The following DIP2C variants were observed in gnomAD, a reference collection of about 807,000 sequenced individuals.
DIP2C encodes DIP2 acetate--CoA ligase C (putative), also known as disco-interacting protein 2 homolog C.
DIP2C carries 33 observed loss-of-function variants against 192.4 expected under a neutral mutation model. The ratio of observed to expected loss-of-function variants is 0.17; its 90% CI spans 0.13 to 0.23. The LOEUF (loss-of-function observed/expected upper bound fraction) is 0.23, where lower values mean the gene tolerates loss of function less well. Ranked by LOEUF, DIP2C falls within the 10% of genes least tolerant of loss-of-function variation. The pLI is 1.00. For synonymous variants in DIP2C, 979 were observed against 864.1 expected, an observed-to-expected ratio of 1.13 and a Z score of -2.33; for missense variants, 1,537 against 2,110.1, an observed-to-expected ratio of 0.73 and a Z score of 5.32.
intron 36 of DIP2C, among the ~76,000 whole-genome samples, chr10:278,904 G>A (rs762225168): frequency 2.6e-5 from 4 of 152,166 alleles, no homozygotes; most frequent in Non-Finnish European, 4.4e-5. Context: ...GGGCTGGATG[G>A]AGACCAGGCT....
chr10:634,426 G>T (rs978832973), intron 1 of DIP2C, among the ~76,000 whole-genome samples: 1 of 152,236 alleles, frequency 6.6e-6, no homozygotes, highest in Non-Finnish European at 1.5e-5. Flanking sequence ...GGAGAATGAG[G>T]TGGTTTCAGG....
At chr10:522,085 T>A (rs904735195) in intron 1 of DIP2C, among the ~76,000 whole-genome samples, 2 of 151,946 alleles carry the variant, frequency 1.3e-5, no homozygotes, top group African/African-American at 4.8e-5. Context: ...CTCCTCCCAT[T>A]CACCCCTCCC....
intron 1 of DIP2C, among the ~76,000 whole-genome samples, chr10:606,682 G>A (rs1047076230): frequency 2.0e-5 from 3 of 152,360 alleles, no homozygotes; most frequent in Non-Finnish European, 2.9e-5. Flanking sequence ...ATTCTCATTA[G>A]GAAAGGGATC....
In DIP2C at chr10:334,818, C is replaced by T. The variant is rs112686119; in HGVS notation, c.3585-5217G>A. Among the ~76,000 whole-genome samples the T allele has an allele frequency of 2.3e-3, 344 of 152,296 alleles. 2 individuals carry two copies. Among genetic ancestry groups the T allele is most frequent in the South Asian group, 0.014 (66 of 4,830 alleles). On this transcript the variant is annotated intron_variant, in intron 29 of 36. Coordinates refer to ENST00000280886, the MANE Select transcript of DIP2C (RefSeq NM_014974.3). The stretch of plus-strand genomic sequence containing the variant: ...TCTATCTCAATGCCAGTACATTGTT[C>T]TGGTTATTGCAGCTTTGCAATATTT...
intron 22 of DIP2C, among the ~76,000 whole-genome samples, chr10:362,026 CCAAT>C (rs1370316397): frequency 3.3e-5 from 5 of 150,924 alleles, no homozygotes; most frequent in Admixed American, 6.6e-5. Context: ...ACAAACTGTG[CCAAT>C]CAAACACCAG....
chr10:354,152 A>T (rs1958961707), intron 24 of DIP2C, among the ~76,000 whole-genome samples: 1 of 152,228 alleles, frequency 6.6e-6, no homozygotes, highest in Non-Finnish European at 1.5e-5. Context: ...CACACCTCCA[A>T]GGAAAAGACA....
intron 4 of DIP2C, among the ~76,000 whole-genome samples, chr10:424,890 C>T (rs552608183): frequency 2.6e-5 from 4 of 152,368 alleles, no homozygotes; most frequent in Admixed American, 2.0e-4. Flanking sequence ...TAGCAGCAAA[C>T]CAAACAAACA....
At chr10:434,994 G>A (rs113864140) in intron 4 of DIP2C, among the ~76,000 whole-genome samples, 3 of 152,230 alleles carry the variant, frequency 2.0e-5, no homozygotes, top group South Asian at 2.1e-4. Flanking sequence ...ATCCTGCTTC[G>A]TGTTTCTGGA....
At chr10:303,388 A>G (rs1956150358) in intron 32 of DIP2C, among the ~76,000 whole-genome samples, 2 of 152,334 alleles carry the variant, frequency 1.3e-5, no homozygotes, top group African/African-American at 4.8e-5. Flanking sequence ...ATTAACCTAC[A>G]TTTACTGTAA....
chr10:477,185 A>T (rs1178450038), intron 2 of DIP2C, among the ~76,000 whole-genome samples: 1 of 145,848 alleles, frequency 6.9e-6, no homozygotes, highest in Non-Finnish European at 1.5e-5. Flanking sequence ...TAGCAAAGTC[A>T]GCAAAGAATA....
intron 1 of DIP2C, among the ~76,000 whole-genome samples, chr10:682,857 A>G (rs1831181460): frequency 6.6e-6 from 1 of 152,218 alleles, no homozygotes; most frequent in Non-Finnish European, 1.5e-5. Context: ...GAATTAAGAC[A>G]CAAAAACCAT....
chr10:586,886 C>G (rs1327099266), intron 1 of DIP2C, among the ~76,000 whole-genome samples: 1 of 151,758 alleles, frequency 6.6e-6, no homozygotes, highest in Non-Finnish European at 1.5e-5. Context: ...GGAGGGGCGA[C>G]CAGCATGAGT....
chr10:363,053 G>T lies in DIP2C; in HGVS notation c.2592+144C>A. 1.4e-6 allele frequency: 1 copy of T among 693,016 alleles called. No homozygotes were observed. The highest frequency in any genetic ancestry group is 2.4e-6 in the Non-Finnish European group (1 of 419,176). The allele number at this position is 693,016 out of a possible 1,614,324, so 42.9% of individuals were successfully genotyped here. A position where few individuals can be genotyped will look rare whatever the true frequency, so the allele number is the denominator to read the frequency against. ...CTGCTGAGCTAGTTTCTGGACACTTGATGTAGTTCCTGATCAAATGAAGGG... is the reference window on the plus strand; with the variant it reads ...CTGCTGAGCTAGTTTCTGGACACTTTATGTAGTTCCTGATCAAATGAAGGG... On this transcript the variant is annotated intron_variant, in intron 21 of 36. Transcript: ENST00000280886. The surrounding 1 kb of genome is among the most constrained non-coding windows in gnomAD (Gnocchi z 5.4).
intron 17 of DIP2C, among the ~76,000 whole-genome samples, chr10:380,023 GC>G (rs1962194182): frequency 1.4e-5 from 2 of 146,860 alleles, no homozygotes; most frequent in East Asian, 2.1e-4. Context: ...GATGGTTAAC[GC>G]ACAGAAGAGG....
At chr10:340,935 T>C (rs1464437582) in intron 29 of DIP2C, 1 of 555,184 alleles carries the variant, frequency 1.8e-6, no homozygotes, top group Non-Finnish European at 3.4e-6. Flanking sequence ...CTGGGAGTCT[T>C]CTGATTGTCA....
At position 564,704 on chromosome 10, in the gene DIP2C, G is replaced by A. The variant is rs571956011; in HGVS notation, c.86-78174C>T. Among the ~76,000 whole-genome samples, 19 of 152,226 alleles carry A rather than the reference G, an allele frequency of 1.2e-4. No individual in the cohort carries two copies. The East Asian group carries it at 3.3e-3, about 26-fold the overall frequency. Reference sequence around the variant, plus strand: ...GAGGACTCAATGAGCCAATATGCCCGAAGCATTCAGCATAGCGTCCAGCAG... The same window carrying A: ...GAGGACTCAATGAGCCAATATGCCCAAAGCATTCAGCATAGCGTCCAGCAG... On this transcript the variant is annotated intron_variant, in intron 1 of 36. Coordinates refer to ENST00000280886, the MANE Select transcript of DIP2C (RefSeq NM_014974.3).
At chr10:382,535 T>C (rs768270608) in intron 17 of DIP2C, 112 bp downstream of exon 17, 11 of 758,470 alleles carry the variant, frequency 1.5e-5, no homozygotes, top group South Asian at 6.5e-5. Flanking sequence ...AAAGGTTAGG[T>C]CCCGTTTTCA....
intron 1 of DIP2C, among the ~76,000 whole-genome samples, chr10:586,171 T>G (rs1193556729): frequency 6.6e-6 from 1 of 152,064 alleles, no homozygotes; most frequent in South Asian, 2.1e-4. Flanking sequence ...ACAACTTCTC[T>G]GGGAGAGAGA....
chr10:476,254 C>T (rs1382052733), intron 2 of DIP2C, among the ~76,000 whole-genome samples: 1 of 152,170 alleles, frequency 6.6e-6, no homozygotes, highest in Admixed American at 6.5e-5. Flanking sequence ...CTCCCAGGAG[C>T]ACCTGCTCAG....
Sources: allele counts gnomAD v4.1 joint callset (sites outside exome capture counted in the v4.1 genomes callset), GRCh38; gene constraint gnomAD v4.1.1; non-coding constraint Gnocchi (gnomAD v3.1); transcripts MANE v1.5; gene names NCBI Gene and HGNC (gene_info 2026-07-23, HGNC 2026-07-21).